The following RNF13 variants were observed in gnomAD, a reference collection of about 807,000 sequenced individuals.
The protein encoded by RNF13 is E3 ubiquitin-protein ligase RNF13.
A neutral mutation model predicts 37.7 loss-of-function variants in RNF13; 19 were observed. The ratio of observed to expected loss-of-function variants is 0.50; its 90% CI spans 0.35 to 0.74. RNF13 has a LOEUF of 0.74. Ranked by LOEUF, RNF13 falls within the 30% of genes least tolerant of loss-of-function variation. RNF13 has a pLI of 0.01. For missense variants in RNF13, 375 were observed against 453.0 expected, an observed-to-expected ratio of 0.83 and a Z score of 1.56; for synonymous variants, 144 against 157.8, an observed-to-expected ratio of 0.91 and a Z score of 0.65.
At chr3:149,848,756 T>C (rs1722872868) in intron 2 of RNF13, among the ~76,000 whole-genome samples, 1 of 152,150 alleles carries the variant, frequency 6.6e-6, no homozygotes, top group African/African-American at 2.4e-5. Context: ...GTTTTTTGTT[T>C]TTGGCAGTTG....
intron 4 of RNF13, among the ~76,000 whole-genome samples, chr3:149,887,359 A>G (rs1714165331): frequency 6.6e-6 from 1 of 152,230 alleles, no homozygotes; most frequent in African/African-American, 2.4e-5. Context: ...CGATACCTAT[A>G]GAATGTTCCA....
At chr3:149,873,798 C>A (rs182796411) in intron 4 of RNF13, among the ~76,000 whole-genome samples, 4 of 152,008 alleles carry the variant, frequency 2.6e-5, no homozygotes, top group African/African-American at 9.6e-5. Flanking sequence ...TTTGTAAATA[C>A]TTCCTTCATT....
At position 149,872,096 on chromosome 3, in the gene RNF13, A is replaced by G. The variant is rs1712140544; in HGVS notation, c.263A>G (p.Asn88Ser). The G allele has an allele frequency of 6.2e-7, 1 of 1,604,144 alleles. No individual in the cohort carries two copies. Among genetic ancestry groups the G allele is most frequent in the African/African-American group, 1.3e-5 (1 of 74,706 alleles). ...ATAGTGCCTCCACCAGTAAAAGACA[A>G]TTCATCTGGCACTTTCATCGTGTTA... Reference protein sequence around the residue: ...EPIVPPPVKDNSSGTFIVLIR... With the variant: ...EPIVPPPVKDSSSGTFIVLIR... Residue 88 changes from asparagine (N) to serine (S), a missense_variant, in exon 4 of 10, where the codon AAT (asparagine) becomes AGT (serine). Asn to Ser is a conservative substitution (Grantham distance 46, BLOSUM62 1). Transcript: ENST00000392894.
In RNF13 at chr3:149,887,727, T is replaced by G. The variant is rs1057366280; in HGVS notation, c.322-7746T>G. Among the ~76,000 whole-genome samples, 46 of 152,214 alleles carry G rather than the reference T, an allele frequency of 3.0e-4. 1 individual carries two copies. The highest frequency in any genetic ancestry group is 2.0e-4 in the Admixed American group (3 of 15,268). On this transcript the variant is annotated intron_variant, in intron 4 of 9. Coordinates refer to ENST00000392894, the MANE Select transcript of RNF13 (RefSeq NM_183381.3). Reference sequence around the variant, plus strand: ...CACTCTCTCTTCTCTCCTCTCCCTTTGCCCTACTCCCACCACCTTATTGCA... The same window carrying G: ...CACTCTCTCTTCTCTCCTCTCCCTTGGCCCTACTCCCACCACCTTATTGCA...
At chr3:149,950,719 T>C (rs1190224696) in intron 8 of RNF13, among the ~76,000 whole-genome samples, 2 of 151,708 alleles carry the variant, frequency 1.3e-5, no homozygotes, top group Non-Finnish European at 2.9e-5. Flanking sequence ...CAAGCACTCC[T>C]CCCACCCCAG....
chr3:149,879,185 A>G (rs1411232539), intron 4 of RNF13, among the ~76,000 whole-genome samples: 2 of 152,138 alleles, frequency 1.3e-5, no homozygotes, highest in African/African-American at 2.4e-5. Flanking sequence ...TAATGTGTAT[A>G]TGTGCAATTT....
At chr3:149,936,426 T>C (rs1719682844) in intron 8 of RNF13, among the ~76,000 whole-genome samples, 1 of 152,092 alleles carries the variant, frequency 6.6e-6, no homozygotes, top group African/African-American at 2.4e-5. Context: ...CTTTTTACTC[T>C]CCTATGTCTC....
At chr3:149,947,142 T>A (rs142542169) in intron 8 of RNF13, among the ~76,000 whole-genome samples, 107 of 152,342 alleles carry the variant, frequency 7.0e-4, no homozygotes, top group African/African-American at 2.5e-3. Flanking sequence ...TTGTATGACT[T>A]CAATCTTCTT....
intron 6 of RNF13, among the ~76,000 whole-genome samples, chr3:149,908,978 G>A (rs1392527653): frequency 6.6e-6 from 1 of 152,196 alleles, no homozygotes; most frequent in African/African-American, 2.4e-5. Context: ...CTCATAAGAT[G>A]TGCTGTATTT....
intron 3 of RNF13, among the ~76,000 whole-genome samples, chr3:149,853,649 T>G (rs1723362948): frequency 6.7e-6 from 1 of 150,298 alleles, no homozygotes; most frequent in Non-Finnish European, 1.5e-5. Context: ...TCTTTTAATT[T>G]TTTTTAAGAT....
At chr3:149,913,628 G>C (rs1717208327) in intron 7 of RNF13, among the ~76,000 whole-genome samples, 2 of 152,112 alleles carry the variant, frequency 1.3e-5, no homozygotes, top group African/African-American at 4.8e-5. Context: ...CAATTTTGCT[G>C]TTCTTGTTTT....
intron 1 of RNF13, among the ~76,000 whole-genome samples, chr3:149,837,536 G>A (rs1576739549): frequency 1.3e-5 from 2 of 152,296 alleles, no homozygotes; most frequent in East Asian, 3.9e-4. Context: ...TCACAATCAT[G>A]GCAGAGGGTG....
At chr3:149,894,614 T>C (rs1715051167) in intron 4 of RNF13, among the ~76,000 whole-genome samples, 1 of 152,174 alleles carries the variant, frequency 6.6e-6, no homozygotes, top group African/African-American at 2.4e-5. Context: ...TAAGGTAATG[T>C]ATTTCAAGAG....
At chr3:149,854,181 A>C (rs1445286300) in intron 3 of RNF13, among the ~76,000 whole-genome samples, 2 of 152,070 alleles carry the variant, frequency 1.3e-5, no homozygotes, top group Non-Finnish European at 2.9e-5. Context: ...CTTAATTAGG[A>C]TGGCAGACAC....
chr3:149,854,865 A>G (rs929369073), intron 3 of RNF13, among the ~76,000 whole-genome samples: 13 of 152,238 alleles, frequency 8.5e-5, no homozygotes, highest in Non-Finnish European at 1.3e-4. Flanking sequence ...TACTTGCTAC[A>G]TATTTTGGTG....
chr3:149,885,991 CTT>C (rs1480989721), intron 4 of RNF13, among the ~76,000 whole-genome samples: 1 of 152,216 alleles, frequency 6.6e-6, no homozygotes, highest in Non-Finnish European at 1.5e-5. Context: ...AAGAGACTGT[CTT>C]TTCCCCAGTG....
chr3:149,838,245 G>A (rs533702233), intron 1 of RNF13, among the ~76,000 whole-genome samples: 1 of 152,256 alleles, frequency 6.6e-6, no homozygotes, highest in Non-Finnish European at 1.5e-5. Flanking sequence ...TTTTCCAGGT[G>A]CACGGTGCAA....
chr3:149,922,074 A>G (rs1718187077), intron 8 of RNF13, among the ~76,000 whole-genome samples: 1 of 152,100 alleles, frequency 6.6e-6, no homozygotes, highest in Non-Finnish European at 1.5e-5. Context: ...CCCAGGTTCA[A>G]GAGATTCTCC....
chr3:149,931,938 T>C (rs1719200651), intron 8 of RNF13, among the ~76,000 whole-genome samples: 1 of 152,196 alleles, frequency 6.6e-6, no homozygotes, highest in South Asian at 2.1e-4. Context: ...GAACATGGGA[T>C]ATTTGTCTTT....
Sources: gnomAD v4.1 joint callset for allele counts (sites outside exome capture counted in the v4.1 genomes callset) on GRCh38, gnomAD v4.1.1 for gene constraint, MANE v1.5 for transcripts, NCBI Gene and HGNC (gene_info 2026-07-23, HGNC 2026-07-21) for gene names.